Variants in AKAIN1 observed in about 807,000 individuals in gnomAD.
AKAIN1 encodes A-kinase anchor inhibitor 1, also known as A-kinase anchor protein inhibitor 1.
Under a neutral mutation model 3.7 loss-of-function variants are expected in AKAIN1, and 3 were observed. The ratio of observed to expected loss-of-function variants is 0.82; its 90% CI spans 0.37 to 2.12. The LOEUF (loss-of-function observed/expected upper bound fraction) is 2.12, where lower values mean the gene tolerates loss of function less well. Ranked by LOEUF, AKAIN1 falls within the 30% of genes most tolerant of loss-of-function variation. AKAIN1 has a pLI of 0.06. For missense variants in AKAIN1, 82 were observed against 82.7 expected, an observed-to-expected ratio of 0.99 and a Z score of 0.03; for synonymous variants, 31 against 30.8, an observed-to-expected ratio of 1.01 and a Z score of -0.02.
chr18:5,197,170 G>A lies in AKAIN1; in HGVS notation c.-117C>T. 3 of 1,514,594 alleles carry A rather than the reference G, an allele frequency of 2.0e-6. No homozygotes were observed. Among genetic ancestry groups the A allele is most frequent in the Non-Finnish European group, 1.8e-6 (2 of 1,135,030 alleles). The allele number at this position is 1,514,594 out of a possible 1,614,324, so 93.8% of individuals were successfully genotyped here. On this transcript the variant is annotated 5_prime_UTR_variant, in exon 1 of 2. Coordinates refer to ENST00000434239, the MANE Select transcript of AKAIN1 (RefSeq NM_001145194.2). This position sits in a 1 kb window ranked among gnomAD's most constrained non-coding sequence, Gnocchi z 6.9. ...AGGAGGGCGCGCTGGGCGGGCGGCG[G>A]GCGGGGCGGTCAGCACCCCGGACAG... is the stretch of plus-strand genomic sequence containing the variant.
At chr18:5,197,453 T>C (rs1305585828), upstream of AKAIN1, 1 of 1,229,576 alleles carries the variant, frequency 8.1e-7, no homozygotes, top group Non-Finnish European at 1.0e-6. The surrounding 1 kb of genome is among the most constrained non-coding windows in gnomAD (Gnocchi z 6.9). Flanking sequence ...TTTAATTACC[T>C]GCTGTGGCTC....
chr18:5,165,719 AGGCC>A (rs2071164179), intron 1 of AKAIN1, among the ~76,000 whole-genome samples: 2 of 152,092 alleles, frequency 1.3e-5, no homozygotes, highest in African/African-American at 4.8e-5. Context: ...TAGCAGGTGT[AGGCC>A]TCATGTATCA....
chr18:5,148,756 T>C lies in AKAIN1; in HGVS notation c.17-3001A>G, dbSNP rs542980789. Reference sequence around the variant, plus strand: ...CCTGTAGTCCCAGCTGCTTGGGAGGTTGAGGTGCAAGAATCGCTTGAACCT... The same window carrying C: ...CCTGTAGTCCCAGCTGCTTGGGAGGCTGAGGTGCAAGAATCGCTTGAACCT... On this transcript the variant is annotated intron_variant, in intron 1 of 1. Coordinates refer to ENST00000434239, the MANE Select transcript of AKAIN1 (RefSeq NM_001145194.2). Among the ~76,000 whole-genome samples the C allele has an allele frequency of 6.2e-4, 94 of 152,016 alleles. No homozygotes were observed. The Middle Eastern group carries it at 0.014, about 22-fold the overall frequency.
chr18:5,171,722 C>T (rs2071199011), intron 1 of AKAIN1, among the ~76,000 whole-genome samples: 1 of 152,130 alleles, frequency 6.6e-6, no homozygotes, highest in Non-Finnish European at 1.5e-5. Flanking sequence ...GAAAAGGGAA[C>T]CTTTGTACAT....
chr18:5,177,956 G>GA (rs1423949246), intron 1 of AKAIN1, among the ~76,000 whole-genome samples: 18 of 152,084 alleles, frequency 1.2e-4, no homozygotes, highest in Non-Finnish European at 2.9e-5. Context: ...CATAAATGTT[G>GA]TGGGCCCTGT....
chr18:5,193,138 C>G (rs1375431912), intron 1 of AKAIN1, among the ~76,000 whole-genome samples: 1 of 152,030 alleles, frequency 6.6e-6, no homozygotes, highest in Non-Finnish European at 1.5e-5. Context: ...TAAATACTTT[C>G]TTATATGTAT....
In AKAIN1 at chr18:5,145,751, C is replaced by T; in HGVS notation, c.21G>A (p.Glu7=). MVFAPG[E]KPGNEPEEVK... ...CCTCTTCAGGCTCATTTCCAGGTTT[C>T]TCACCTAGCCAAAAACATGAAAAGG... The change falls in exon 2 of 2, where the codon GAG becomes GAA. Residue 7 remains glutamate (E), a synonymous_variant. Coordinates refer to ENST00000434239, the MANE Select transcript of AKAIN1 (RefSeq NM_001145194.2). The T allele has an allele frequency of 2.6e-6, 4 of 1,548,236 alleles. No homozygotes were observed. The highest frequency in any genetic ancestry group is 2.6e-6 in the Non-Finnish European group (3 of 1,144,386).
At chr18:5,180,862 G>A (rs1423181924) in intron 1 of AKAIN1, among the ~76,000 whole-genome samples, 4 of 152,088 alleles carry the variant, frequency 2.6e-5, no homozygotes, top group African/African-American at 9.7e-5. Context: ...GGCAACACAA[G>A]ATGTGGATTC....
chr18:5,185,182 T>TA (rs2071279880), intron 1 of AKAIN1, among the ~76,000 whole-genome samples: 1 of 151,968 alleles, frequency 6.6e-6, no homozygotes, highest in Admixed American at 6.6e-5. Context: ...TTGCATTATA[T>TA]AAAAAATCAA....
intron 1 of AKAIN1, among the ~76,000 whole-genome samples, chr18:5,181,303 A>C (rs2071257097): frequency 6.6e-6 from 1 of 152,104 alleles, no homozygotes; most frequent in Admixed American, 6.6e-5. Context: ...AAAAGAAAAT[A>C]AAAGAAGTAT....
intron 1 of AKAIN1, among the ~76,000 whole-genome samples, chr18:5,179,749 C>T (rs1056476214): frequency 6.6e-6 from 1 of 152,112 alleles, no homozygotes; most frequent in East Asian, 1.9e-4. Context: ...TAAGTTAGGA[C>T]ACACATCAAA....
intron 1 of AKAIN1, among the ~76,000 whole-genome samples, chr18:5,157,096 A>G (rs879696563): frequency 5.9e-5 from 9 of 152,234 alleles, no homozygotes; most frequent in Non-Finnish European, 1.0e-4. Context: ...TTAAGATGTG[A>G]AATGATTAAC....
intron 1 of AKAIN1, among the ~76,000 whole-genome samples, chr18:5,195,662 C>T (rs948085751): frequency 6.6e-6 from 1 of 152,186 alleles, no homozygotes; most frequent in Non-Finnish European, 1.5e-5. Context: ...TATTCCTTAA[C>T]TCTCAGGGTA....
chr18:5,167,599 T>C (rs761156789), intron 1 of AKAIN1, among the ~76,000 whole-genome samples: 1 of 152,060 alleles, frequency 6.6e-6, no homozygotes, highest in South Asian at 2.1e-4. Flanking sequence ...ACAGAGGTGA[T>C]GTTTAATAGG....
intron 1 of AKAIN1, among the ~76,000 whole-genome samples, chr18:5,153,269 CT>C (rs1418522374): frequency 6.6e-6 from 1 of 151,470 alleles, no homozygotes; most frequent in African/African-American, 2.4e-5. Flanking sequence ...GACAATTTTA[CT>C]CTAGGAATCA....
intron 1 of AKAIN1, among the ~76,000 whole-genome samples, chr18:5,185,515 C>T (rs2071282125): frequency 6.6e-6 from 1 of 152,044 alleles, no homozygotes; most frequent in South Asian, 2.1e-4. Context: ...AAATAAACAA[C>T]CCCATTAAAA....
chr18:5,170,609 A>T (rs2071191886), intron 1 of AKAIN1: 1 of 152,140 alleles, frequency 6.6e-6, no homozygotes, highest in African/African-American at 2.4e-5. Context: ...TGAAAACCAT[A>T]GCATGCAGAT....
At chr18:5,166,192 A>T (rs2071166833) in intron 1 of AKAIN1, among the ~76,000 whole-genome samples, 1 of 152,022 alleles carries the variant, frequency 6.6e-6, no homozygotes, top group Admixed American at 6.6e-5. Flanking sequence ...ATTATCATCT[A>T]CGTATACGTC....
At chr18:5,177,438 C>T (rs558158706) in intron 1 of AKAIN1, among the ~76,000 whole-genome samples, 3 of 151,904 alleles carry the variant, frequency 2.0e-5, no homozygotes, top group South Asian at 4.2e-4. Context: ...TCCTGTACAC[C>T]GGCCTTATTT....
Sources: gnomAD v4.1 joint callset for allele counts (sites outside exome capture counted in the v4.1 genomes callset) on GRCh38, gnomAD v4.1.1 for gene constraint, Gnocchi (gnomAD v3.1) non-coding constraint, MANE v1.5 for transcripts, NCBI Gene and HGNC (gene_info 2026-07-23, HGNC 2026-07-21) for gene names.